The following SCUBE1 variants were observed in gnomAD, a reference collection of about 807,000 sequenced individuals.
SCUBE1 encodes signal peptide, CUB domain and EGF like domain containing 1, also known as signal peptide, CUB and EGF-like domain-containing protein 1.
SCUBE1 carries 59 observed loss-of-function variants against 124.4 expected under a neutral mutation model. The observed-to-expected ratio is 0.47, with a 90% CI of 0.38 to 0.59. The LOEUF (loss-of-function observed/expected upper bound fraction) is 0.59. Among genes scored for constraint, SCUBE1 ranks in the 20% least tolerant of loss-of-function variants. The probability of loss-of-function intolerance (pLI) is 0.00; values close to 1 mark genes in which losing one functional copy is unlikely to be tolerated. For missense variants in SCUBE1, 1,150 were observed against 1,371.2 expected (o/e 0.84, Z 2.55); for synonymous variants, 545 against 550.9 (o/e 0.99, Z 0.15).
chr22:43,319,384 G>A (rs1162464066), intron 3 of SCUBE1, among the ~76,000 whole-genome samples: 1 of 151,888 alleles, frequency 6.6e-6, no homozygotes, highest in East Asian at 1.9e-4. Context: ...GGCAACCATG[G>A]CGAAACTCAG....
rs1415921795 is a variant in SCUBE1, at chr22:43,231,777, G to A, written c.943C>T (p.Leu315Phe). The change falls in exon 8 of 22, where the codon CTC becomes TTC. Residue 315 changes from leucine to phenylalanine, a missense_variant. Physicochemically the swap from Leu to Phe is conservative, Grantham distance 22 (BLOSUM62 0). This residue lies in a region of SCUBE1 where 337 missense variants were observed against 482.1 expected (regional missense o/e 0.70). Transcript: ENST00000360835. ...ECGCRKGYKL[L>F]TDERTCQDID... ...CCCTGGCAGGTGCGCTCGTCGGTGA[G>A]CAGCTTGTAGCCCTTCCGGCAGCCG... 3 of 1,604,778 alleles carry A rather than the reference G, an allele frequency of 1.9e-6. No individual in the cohort carries two copies. The highest frequency in any genetic ancestry group is 2.6e-6 in the Non-Finnish European group (3 of 1,176,326).
At position 43,238,517 on chromosome 22, in the gene SCUBE1, G is replaced by A. The variant is rs1246166537; in HGVS notation, c.844+321C>T. 4 of 584,960 alleles carry A rather than the reference G, an allele frequency of 6.8e-6. No homozygotes were observed. In the Admixed American group the frequency reaches 9.0e-5, roughly 13 times the overall value. 36.2% of individuals were successfully genotyped at this position (584,960 alleles called of 1,614,324 possible). The stretch of plus-strand genomic sequence containing the variant: ...CACACTATCACTGAGGGCCCAGGAA[G>A]TCCCACAGTAGAGACGCTGGCTTAA... On this transcript the variant is annotated intron_variant, in intron 7 of 21. Coordinates refer to ENST00000360835, the MANE Select transcript of SCUBE1 (RefSeq NM_173050.5).
intron 3 of SCUBE1, among the ~76,000 whole-genome samples, chr22:43,312,851 C>G (rs981061273): frequency 3.9e-5 from 6 of 152,070 alleles, no homozygotes; most frequent in Non-Finnish European, 8.8e-5. Flanking sequence ...ATATCTAACA[C>G]CCTACGACAA....
chr22:43,216,961 C>T (rs1197604454), intron 15 of SCUBE1, among the ~76,000 whole-genome samples: 1 of 130,226 alleles, frequency 7.7e-6, no homozygotes, highest in South Asian at 2.8e-4. Context: ...CCAACACTGC[C>T]GTCACCTCTT....
intron 3 of SCUBE1, among the ~76,000 whole-genome samples, chr22:43,319,558 C>CAAAAAA (rs35230785): frequency 0.029 from 1,593 of 55,100 alleles, 272 homozygotes; most frequent in African/African-American, 0.12. Flanking sequence ...GACTCCATCT[C>CAAAAAA]AAAAAAAAAA....
intron 3 of SCUBE1, among the ~76,000 whole-genome samples, chr22:43,316,686 T>A (rs145534431): frequency 6.6e-6 from 1 of 152,080 alleles, no homozygotes; most frequent in African/African-American, 2.4e-5. Context: ...AGCAAACTTA[T>A]CCCCAACCTT....
At chr22:43,249,208 T>C (rs1923338612) in intron 6 of SCUBE1, among the ~76,000 whole-genome samples, 1 of 148,832 alleles carries the variant, frequency 6.7e-6, no homozygotes, top group African/African-American at 2.5e-5. Flanking sequence ...CTTCCAGGAG[T>C]GGGTGAATGT....
At chr22:43,249,865 C>T (rs189334148) in intron 6 of SCUBE1, among the ~76,000 whole-genome samples, 13 of 152,276 alleles carry the variant, frequency 8.5e-5, no homozygotes, top group Admixed American at 3.9e-4. Flanking sequence ...GGCAGAAGGG[C>T]GGGGAAAAGC....
At position 43,258,057 on chromosome 22, in the gene SCUBE1, G is replaced by A. The variant is rs12157379; in HGVS notation, c.727+162C>T. Among the ~76,000 whole-genome samples the A allele has an allele frequency of 4.6e-5, 7 of 152,030 alleles. No individual in the cohort carries two copies. Among genetic ancestry groups the A allele is most frequent in the African/African-American group, 1.5e-4 (6 of 41,358 alleles). ...CTCCCCAGAAAGCCTCCCCAGGGGC[G>A]CCGGCCATCCCCGCCATTGCCATGG... is the stretch of plus-strand genomic sequence containing the variant. On this transcript the variant is annotated intron_variant, in intron 6 of 21. Coordinates refer to ENST00000360835, the MANE Select transcript of SCUBE1 (RefSeq NM_173050.5). This position sits in a 1 kb window ranked among gnomAD's most constrained non-coding sequence, Gnocchi z 5.0.
intron 7 of SCUBE1, among the ~76,000 whole-genome samples, chr22:43,237,272 C>T (rs138532807): frequency 0.022 from 3,344 of 152,300 alleles, 124 homozygotes; most frequent in Admixed American, 0.11. Flanking sequence ...CCCTCTTGGG[C>T]CACATGCCTG....
chr22:43,302,515 C>T (rs1424875367), intron 3 of SCUBE1, among the ~76,000 whole-genome samples: 1 of 152,180 alleles, frequency 6.6e-6, no homozygotes, highest in Non-Finnish European at 1.5e-5. Flanking sequence ...GGCCCCTGCT[C>T]AGAGTCAGGC....
chr22:43,217,738 C>A (rs990220123), intron 15 of SCUBE1, among the ~76,000 whole-genome samples: 2 of 152,290 alleles, frequency 1.3e-5, no homozygotes, highest in Non-Finnish European at 2.9e-5. Flanking sequence ...GCCTGTCCTG[C>A]GTCCAGGCTC....
chr22:43,286,264 C>G (rs713628), intron 4 of SCUBE1, among the ~76,000 whole-genome samples: 41,063 of 152,270 alleles, frequency 0.27, 6,211 homozygotes, highest in Middle Eastern at 0.44. Flanking sequence ...GTGACTTGCT[C>G]AAGGTCACGA....
At chr22:43,226,426 T>TGG (rs139010) in intron 10 of SCUBE1, among the ~76,000 whole-genome samples, 9 of 151,294 alleles carry the variant, frequency 5.9e-5, no homozygotes, top group Non-Finnish European at 8.8e-5. Flanking sequence ...AGTGCTGGTG[T>TGG]GGGGGGGCCC....
chr22:43,211,329 G>C lies in SCUBE1; in HGVS notation c.2222-246C>G. Among the ~76,000 whole-genome samples, 1 of 152,136 alleles carries C rather than the reference G, an allele frequency of 6.6e-6. No homozygotes were observed. The highest frequency in any genetic ancestry group is 2.4e-5 in the African/African-American group (1 of 41,420). ...CTCCAGCAAAACAGGGACCACACAG[G>C]CCACCTTGATGGGAGCCATTTTCAG... On this transcript the variant is annotated intron_variant, in intron 17 of 21. Transcript: ENST00000360835. The surrounding 1 kb of genome is among the most constrained non-coding windows in gnomAD (Gnocchi z 4.5).
chr22:43,269,149 C>T (rs969674240), intron 4 of SCUBE1, among the ~76,000 whole-genome samples: 6 of 152,148 alleles, frequency 3.9e-5, no homozygotes, highest in East Asian at 1.9e-4. Flanking sequence ...TCGGGGAAGA[C>T]GTGCCCCGGG....
chr22:43,259,462 G>A (rs535077317), intron 5 of SCUBE1, among the ~76,000 whole-genome samples: 2 of 152,320 alleles, frequency 1.3e-5, no homozygotes, highest in East Asian at 1.9e-4. Flanking sequence ...AATGAATTAC[G>A]TTCTATTCGG....
chr22:43,240,194 T>C (rs1922948426), intron 6 of SCUBE1, among the ~76,000 whole-genome samples: 2 of 152,106 alleles, frequency 1.3e-5, no homozygotes, highest in African/African-American at 4.8e-5. Context: ...ATCACCACCG[T>C]AGGATGAGCT....
chr22:43,292,162 G>C (rs1925386453), intron 3 of SCUBE1, among the ~76,000 whole-genome samples: 1 of 152,122 alleles, frequency 6.6e-6, no homozygotes, highest in South Asian at 2.1e-4. Flanking sequence ...TCTGTGCCCT[G>C]CAACTGATTT....
Sources: gnomAD v4.1 joint callset for allele counts (sites outside exome capture counted in the v4.1 genomes callset) on GRCh38, gnomAD v4.1.1 for gene constraint, gnomAD v4.1.1 regional missense constraint, Gnocchi (gnomAD v3.1) non-coding constraint, MANE v1.5 for transcripts, NCBI Gene and HGNC (gene_info 2026-07-23, HGNC 2026-07-21) for gene names.